The following GPC6 variants were observed in gnomAD, a reference collection of about 807,000 sequenced individuals.
GPC6 encodes glypican 6.
A neutral mutation model predicts 55.2 loss-of-function variants in GPC6; 14 were observed. The observed-to-expected ratio is 0.25, with a 90% CI of 0.17 to 0.40. The LOEUF is 0.40. GPC6 is among the 10% of genes least tolerant of loss of function. GPC6 has a pLI of 1.00. For missense variants in GPC6, 641 were observed against 708.5 expected, an observed-to-expected ratio of 0.90 and a Z score of 1.08; for synonymous variants, 278 against 259.6, an observed-to-expected ratio of 1.07 and a Z score of -0.68.
chr13:93,583,945 T>C (rs1010714787), intron 2 of GPC6, among the ~76,000 whole-genome samples: 9 of 152,186 alleles, frequency 5.9e-5, no homozygotes, highest in Non-Finnish European at 1.3e-4. Context: ...CTCCTACTCA[T>C]TTCACATGTA....
chr13:93,313,835 A>C (rs1879156281), intron 1 of GPC6, among the ~76,000 whole-genome samples: 1 of 152,026 alleles, frequency 6.6e-6, no homozygotes, highest in African/African-American at 2.4e-5. Flanking sequence ...CCTGGCCTAA[A>C]ATTTTATCTT....
intron 2 of GPC6, among the ~76,000 whole-genome samples, chr13:93,658,126 A>C (rs1880764306): frequency 6.6e-6 from 1 of 152,004 alleles, no homozygotes; most frequent in Admixed American, 6.5e-5. Context: ...TTTGATAAAT[A>C]TAATCACTTT....
intron 3 of GPC6, among the ~76,000 whole-genome samples, chr13:93,880,710 A>C (rs985027484): frequency 6.6e-6 from 1 of 152,104 alleles, no homozygotes. Context: ...AACTTAAAGT[A>C]TAATAATAAA....
At chr13:94,095,971 C>T (rs926927680) in intron 4 of GPC6, among the ~76,000 whole-genome samples, 4 of 152,160 alleles carry the variant, frequency 2.6e-5, no homozygotes, top group Admixed American at 2.6e-4. Context: ...AAGAATGCCA[C>T]CCAAATGGAG....
At chr13:93,583,967 G>A (rs1247042808) in intron 2 of GPC6, among the ~76,000 whole-genome samples, 1 of 152,110 alleles carries the variant, frequency 6.6e-6, no homozygotes, top group Admixed American at 6.6e-5. Flanking sequence ...AATCAGGAGT[G>A]GTTCATACTC....
intron 3 of GPC6, among the ~76,000 whole-genome samples, chr13:93,981,009 A>G (rs552707466): frequency 1.3e-5 from 2 of 152,232 alleles, no homozygotes; most frequent in African/African-American, 4.8e-5. Context: ...TTAAAAAGCT[A>G]TTTTCTATTA....
chr13:93,854,912 C>T (rs1888545753), intron 3 of GPC6, among the ~76,000 whole-genome samples: 1 of 147,970 alleles, frequency 6.8e-6, no homozygotes, highest in Non-Finnish European at 1.5e-5. Flanking sequence ...TTGGAAGGTA[C>T]AGAGATTTCC....
intron 4 of GPC6, among the ~76,000 whole-genome samples, chr13:94,237,524 A>G (rs1890915830): frequency 6.6e-6 from 1 of 152,160 alleles, no homozygotes. Flanking sequence ...GGTAGCAAGG[A>G]GCTTTCTGAG....
intron 2 of GPC6, among the ~76,000 whole-genome samples, chr13:93,618,306 A>G (rs1878810003): frequency 6.6e-6 from 1 of 152,102 alleles, no homozygotes; most frequent in South Asian, 2.1e-4. Flanking sequence ...TATATATCCT[A>G]GTAAGAGAAA....
intron 1 of GPC6, among the ~76,000 whole-genome samples, chr13:93,314,749 GTGTGT>G (rs1879188011): frequency 1.6e-5 from 2 of 126,472 alleles, no homozygotes; most frequent in African/African-American, 5.8e-5. Context: ...GTGTGTGTGT[GTGTGT>G]GTGCACGCAT....
chr13:94,034,219 A>AGGAG (rs1462409171), intron 4 of GPC6, among the ~76,000 whole-genome samples: 1 of 149,562 alleles, frequency 6.7e-6, no homozygotes, highest in Non-Finnish European at 1.5e-5. Context: ...GAAGGAAGGA[A>AGGAG]GGAAGGAAGG....
intron 1 of GPC6, among the ~76,000 whole-genome samples, chr13:93,472,604 C>T (rs1225449523): frequency 1.3e-5 from 2 of 152,178 alleles, no homozygotes; most frequent in African/African-American, 4.8e-5. Flanking sequence ...AACTGCAGGG[C>T]CCCAAAGAGG....
chr13:93,497,329 A>G (rs1880342538), intron 1 of GPC6, among the ~76,000 whole-genome samples: 3 of 152,212 alleles, frequency 2.0e-5, no homozygotes, highest in African/African-American at 4.8e-5. Flanking sequence ...ATGAACAGCA[A>G]ATTCTTAGCT....
At chr13:93,872,128 C>T (rs1032127238) in intron 3 of GPC6, among the ~76,000 whole-genome samples, 3 of 151,824 alleles carry the variant, frequency 2.0e-5, no homozygotes, top group Non-Finnish European at 4.4e-5. Context: ...TTTGAAATAT[C>T]AAAAGAGATT....
chr13:94,244,859 G>A (rs1209880123), intron 4 of GPC6, among the ~76,000 whole-genome samples: 1 of 151,970 alleles, frequency 6.6e-6, no homozygotes. Flanking sequence ...ATTTGTAGGA[G>A]TCTTGCAAGT....
chr13:94,354,566 G>A (rs184732317), intron 6 of GPC6, among the ~76,000 whole-genome samples: 33 of 152,328 alleles, frequency 2.2e-4, no homozygotes, highest in Admixed American at 1.7e-3. Flanking sequence ...AAAAATAGCC[G>A]AAGAATTCAA....
chr13:93,995,019 T>C (rs1881473318), intron 3 of GPC6, among the ~76,000 whole-genome samples: 1 of 152,160 alleles, frequency 6.6e-6, no homozygotes, highest in East Asian at 1.9e-4. Context: ...TTTTGCCTGA[T>C]TTCAGTTTGT....
chr13:93,284,621 C>A (rs1878052385), intron 1 of GPC6, among the ~76,000 whole-genome samples: 1 of 152,042 alleles, frequency 6.6e-6, no homozygotes, highest in Non-Finnish European at 1.5e-5. Flanking sequence ...CTTTTCTAAC[C>A]TCAGACATGC....
intron 2 of GPC6, among the ~76,000 whole-genome samples, chr13:93,604,645 C>T (rs1198282989): frequency 6.6e-6 from 1 of 151,852 alleles, no homozygotes; most frequent in Non-Finnish European, 1.5e-5. Context: ...CAGTATAAGA[C>T]ATAGCAACAA....
Sources: gnomAD v4.1 joint callset for allele counts (sites outside exome capture counted in the v4.1 genomes callset) on GRCh38, gnomAD v4.1.1 for gene constraint, MANE v1.5 for transcripts, NCBI Gene and HGNC (gene_info 2026-07-23, HGNC 2026-07-21) for gene names.